Variants in PLCB4 observed in about 807,000 individuals in gnomAD.
The protein encoded by PLCB4 is phospholipase C beta 4.
Under a neutral mutation model 178.8 loss-of-function variants are expected in PLCB4, and 77 were observed. That is an observed-to-expected ratio of 0.43 (90% CI 0.36 to 0.52). The LOEUF is 0.52. Ranked by LOEUF, PLCB4 falls within the 20% of genes least tolerant of loss-of-function variation. The pLI is 0.00. For synonymous variants in PLCB4, 496 were observed against 490.8 expected, an observed-to-expected ratio of 1.01 and a Z score of -0.14; for missense variants, 1,024 against 1,453.4, an observed-to-expected ratio of 0.70 and a Z score of 4.80.
chr20:9,444,059 C>G, intron 31 of PLCB4, 29 bp downstream of exon 31: 1 of 1,538,462 alleles, frequency 6.5e-7, no homozygotes, highest in Non-Finnish European at 9.0e-7. Context: ...TTTGCAAGCA[C>G]TCTTGTATTA....
intron 4 of PLCB4, among the ~76,000 whole-genome samples, chr20:9,329,717 T>G (rs1292440155): frequency 6.6e-6 from 1 of 152,142 alleles, no homozygotes; most frequent in Non-Finnish European, 1.5e-5. Context: ...TTTCACAAGG[T>G]AATACTTGTA....
intron 12 of PLCB4, among the ~76,000 whole-genome samples, chr20:9,373,729 T>G (rs899160805): frequency 1.3e-5 from 2 of 151,976 alleles, no homozygotes; most frequent in Non-Finnish European, 2.9e-5. Context: ...GTGATTAACT[T>G]AACAACCAAA....
chr20:9,342,078 A>G (rs1471372010), intron 7 of PLCB4, among the ~76,000 whole-genome samples: 4 of 152,170 alleles, frequency 2.6e-5, no homozygotes, highest in African/African-American at 9.7e-5. Context: ...ATATACCTGC[A>G]TGTGGATACT....
intron 1 of PLCB4, among the ~76,000 whole-genome samples, chr20:9,074,337 T>C (rs956118065): frequency 6.6e-6 from 1 of 152,210 alleles, no homozygotes; most frequent in African/African-American, 2.4e-5. Flanking sequence ...AAATTCCACC[T>C]GTAGCTACGG....
At chr20:9,182,181 GTTC>G (rs2093257293) in intron 2 of PLCB4, among the ~76,000 whole-genome samples, 1 of 152,188 alleles carries the variant, frequency 6.6e-6, no homozygotes, top group Admixed American at 6.5e-5. Flanking sequence ...TGAAGAATTG[GTTC>G]TTCTTTGCCT....
At chr20:9,072,046 T>A (rs2089601660) in intron 1 of PLCB4, among the ~76,000 whole-genome samples, 1 of 152,252 alleles carries the variant, frequency 6.6e-6, no homozygotes, top group Non-Finnish European at 1.5e-5. Flanking sequence ...TTGAAGTTTT[T>A]AAAATAGTTG....
At chr20:9,223,458 C>T (rs982149057) in intron 3 of PLCB4, among the ~76,000 whole-genome samples, 1 of 152,152 alleles carries the variant, frequency 6.6e-6, no homozygotes, top group Non-Finnish European at 1.5e-5. Flanking sequence ...GGGAAGGGCC[C>T]GGCTGTGCAT....
intron 3 of PLCB4, among the ~76,000 whole-genome samples, chr20:9,232,899 G>C (rs2093948741): frequency 6.6e-6 from 1 of 151,962 alleles, no homozygotes; most frequent in Non-Finnish European, 1.5e-5. Flanking sequence ...AAAGCTGAGA[G>C]AAAAAATATG....
chr20:9,420,529 A>C (rs1407788977), intron 26 of PLCB4, among the ~76,000 whole-genome samples: 2 of 152,024 alleles, frequency 1.3e-5, no homozygotes, highest in Non-Finnish European at 2.9e-5. Context: ...GGTTTTTACC[A>C]TGTTGGCCAG....
At chr20:9,374,004 G>A (rs1352768789) in intron 12 of PLCB4, among the ~76,000 whole-genome samples, 1 of 152,092 alleles carries the variant, frequency 6.6e-6, no homozygotes, top group Non-Finnish European at 1.5e-5. Flanking sequence ...ACCATATAAA[G>A]AGAAAATGCA....
intron 38 of PLCB4, 134 bp downstream of exon 38, chr20:9,473,499 A>G (rs1222485916): frequency 6.6e-6 from 3 of 455,382 alleles, no homozygotes; most frequent in East Asian, 3.4e-5. Context: ...GCCCATTACT[A>G]TATTTTCTCC....
At position 9,402,412 on chromosome 20, in the gene PLCB4, A is replaced by C. The variant is rs142430817; in HGVS notation, c.1611+822A>C. On this transcript the variant is annotated intron_variant, in intron 20 of 39. Transcript: ENST00000378473. ...GCTTGAGTGAGGGTGGAGTGAGACG[A>C]GATGAGGCAGGTAGGTGGGAACTGG... 3.2e-3 allele frequency among the ~76,000 whole-genome samples: 482 copies of C among 152,268 alleles called. 1 individual carries two copies. Among genetic ancestry groups the C allele is most frequent in the African/African-American group, 0.011 (449 of 41,554 alleles).
At chr20:9,308,967 T>A (rs2094800588) in intron 4 of PLCB4, among the ~76,000 whole-genome samples, 4 of 152,206 alleles carry the variant, frequency 2.6e-5, no homozygotes, top group Admixed American at 2.6e-4. Flanking sequence ...CAAGCACTGT[T>A]AATTCTTATG....
chr20:9,251,899 C>T (rs1376118562), intron 3 of PLCB4, among the ~76,000 whole-genome samples: 1 of 152,136 alleles, frequency 6.6e-6, no homozygotes, highest in Non-Finnish European at 1.5e-5. Context: ...TATATTCATA[C>T]TATTATCATT....
chr20:9,321,822 CG>C (rs2094961485), intron 4 of PLCB4, among the ~76,000 whole-genome samples: 1 of 151,850 alleles, frequency 6.6e-6, no homozygotes, highest in African/African-American at 2.4e-5. Context: ...TTAGTAGAGA[CG>C]GGGTTTCATC....
intron 20 of PLCB4, among the ~76,000 whole-genome samples, chr20:9,404,427 GA>G (rs1269433392): frequency 3.9e-5 from 6 of 151,962 alleles, no homozygotes; most frequent in African/African-American, 1.5e-4. Context: ...CATCTATTAA[GA>G]CTCAAGAGTA....
chr20:9,348,269 A>G (rs962765116), intron 7 of PLCB4, among the ~76,000 whole-genome samples: 11 of 152,318 alleles, frequency 7.2e-5, no homozygotes, highest in Admixed American at 1.3e-4. Flanking sequence ...CTCGGCTTCA[A>G]TCAGTTACAC....
At chr20:9,315,776 T>C (rs2094891657) in intron 4 of PLCB4, among the ~76,000 whole-genome samples, 1 of 151,726 alleles carries the variant, frequency 6.6e-6, no homozygotes, top group Non-Finnish European at 1.5e-5. Context: ...CTACTAAAAA[T>C]ATAAAAATTA....
chr20:9,465,412 T>G (rs996227837), intron 35 of PLCB4, among the ~76,000 whole-genome samples: 2 of 152,162 alleles, frequency 1.3e-5, no homozygotes, highest in Non-Finnish European at 2.9e-5. Flanking sequence ...CTATTCAACA[T>G]AGTGTTGGAA....
Sources: allele counts gnomAD v4.1 joint callset (sites outside exome capture counted in the v4.1 genomes callset), GRCh38; gene constraint gnomAD v4.1.1; transcripts MANE v1.5; gene names NCBI Gene and HGNC (gene_info 2026-07-23, HGNC 2026-07-21).